The following ARHGEF7 variants were observed in gnomAD, a reference collection of about 807,000 sequenced individuals.
The protein encoded by ARHGEF7 is Rho guanine nucleotide exchange factor 7, also known as PAK-interacting exchange factor beta.
Under a neutral mutation model 109.8 loss-of-function variants are expected in ARHGEF7, and 33 were observed. That is an observed-to-expected ratio of 0.30 (90% CI 0.23 to 0.40). The LOEUF (loss-of-function observed/expected upper bound fraction) is 0.40, where lower values mean the gene tolerates loss of function less well. ARHGEF7 is among the 10% of genes least tolerant of loss of function. The probability of loss-of-function intolerance (pLI) is 1.00; values close to 1 mark genes in which losing one functional copy is unlikely to be tolerated. For missense variants in ARHGEF7, 938 were observed against 1,098.5 expected (o/e 0.85, Z 2.07); for synonymous variants, 458 against 424.6 (o/e 1.08, Z -0.97).
chr13:111,166,889 G>A (rs554641063), intron 2 of ARHGEF7, among the ~76,000 whole-genome samples: 17 of 152,318 alleles, frequency 1.1e-4, no homozygotes, highest in African/African-American at 3.4e-4. Context: ...GTATCATGTG[G>A]AAGAGTGTCT....
At chr13:111,169,775 C>T (rs1022614211) in intron 2 of ARHGEF7, among the ~76,000 whole-genome samples, 1 of 152,186 alleles carries the variant, frequency 6.6e-6, no homozygotes, top group Non-Finnish European at 1.5e-5. Context: ...ATGATCACCT[C>T]TGTTTGCTAG....
At chr13:111,153,502 C>A in intron 1 of ARHGEF7, 2 of 487,702 alleles carry the variant, frequency 4.1e-6, no homozygotes, top group Non-Finnish European at 5.5e-6. Context: ...GGTGGGCTCC[C>A]TCTACCGGAC....
chr13:111,282,162 T>C (rs2153609878), intron 15 of ARHGEF7, among the ~76,000 whole-genome samples: 1 of 144,774 alleles, frequency 6.9e-6, no homozygotes, highest in South Asian at 2.3e-4. Context: ...AGGAAGTTGA[T>C]GGCTTCTATT....
intron 6 of ARHGEF7, among the ~76,000 whole-genome samples, chr13:111,240,165 C>T (rs2087516859): frequency 6.6e-6 from 1 of 152,200 alleles, no homozygotes; most frequent in African/African-American, 2.4e-5. Flanking sequence ...GCCGGCTCTA[C>T]CTGTCGCCAT....
intron 2 of ARHGEF7, among the ~76,000 whole-genome samples, chr13:111,178,354 A>T (rs1222496109): frequency 6.6e-6 from 1 of 152,236 alleles, no homozygotes; most frequent in Non-Finnish European, 1.5e-5. Context: ...ATGTGTTTTT[A>T]AAAATAGCAT....
chr13:111,122,046 G>C (rs190654639), intron 1 of ARHGEF7, among the ~76,000 whole-genome samples: 1 of 152,196 alleles, frequency 6.6e-6, no homozygotes, highest in South Asian at 2.1e-4. Flanking sequence ...CCAGGAACAC[G>C]GGTTAATTCT....
chr13:111,202,562 G>A (rs1168916628), intron 2 of ARHGEF7, among the ~76,000 whole-genome samples: 1 of 152,156 alleles, frequency 6.6e-6, no homozygotes, highest in Non-Finnish European at 1.5e-5. Flanking sequence ...TACTGCTAAA[G>A]CACCCAGCAA....
chr13:111,194,746 A>G (rs974565781), intron 2 of ARHGEF7, among the ~76,000 whole-genome samples: 1 of 152,200 alleles, frequency 6.6e-6, no homozygotes, highest in Non-Finnish European at 1.5e-5. Context: ...GCCTGACCAA[A>G]CAGGTGAGGG....
At chr13:111,297,498 A>G (rs1364369174) in intron 19 of ARHGEF7, among the ~76,000 whole-genome samples, 1 of 152,242 alleles carries the variant, frequency 6.6e-6, no homozygotes, top group Non-Finnish European at 1.5e-5. Flanking sequence ...TCCTCCAATC[A>G]TGCTACATAA....
At chr13:111,295,328 C>CTCTA (rs1483611213) in intron 19 of ARHGEF7, 1 of 424,662 alleles carries the variant, frequency 2.4e-6, no homozygotes, top group Non-Finnish European at 3.1e-6. Context: ...TCTGTCTGCC[C>CTCTA]TGATAGAAAA....
At chr13:111,219,873 A>G (rs1437754218) in intron 5 of ARHGEF7, among the ~76,000 whole-genome samples, 3 of 152,158 alleles carry the variant, frequency 2.0e-5, no homozygotes, top group Non-Finnish European at 4.4e-5. Flanking sequence ...TTGCTGGGAT[A>G]TTAAGAAGGG....
At chr13:111,130,801 G>C (rs1035457987) in intron 1 of ARHGEF7, among the ~76,000 whole-genome samples, 1 of 152,234 alleles carries the variant, frequency 6.6e-6, no homozygotes, top group African/African-American at 2.4e-5. Context: ...TTTGGGGAAG[G>C]CTGTCCTCAA....
At chr13:111,161,233 C>T (rs760645252) in intron 2 of ARHGEF7, among the ~76,000 whole-genome samples, 12 of 152,210 alleles carry the variant, frequency 7.9e-5, no homozygotes, top group Non-Finnish European at 1.0e-4. Context: ...TAGCTTGGCA[C>T]ACTCACAGCT....
At chr13:111,221,547 ATATC>A (rs1566876676) in intron 5 of ARHGEF7, among the ~76,000 whole-genome samples, 9 of 81,706 alleles carry the variant, frequency 1.1e-4, no homozygotes, top group East Asian at 6.6e-4. Context: ...ATATAGATAC[ATATC>A]TATATATCTA....
rs189373951 is a variant in ARHGEF7 at position 111,226,839 on chromosome 13, C to T, written c.671-6366C>T. Among the ~76,000 whole-genome samples the T allele has an allele frequency of 1.2e-3, 176 of 152,268 alleles. 1 individual carries two copies. Among genetic ancestry groups the T allele is most frequent in the African/African-American group, 4.0e-3 (168 of 41,546 alleles). On this transcript the variant is annotated intron_variant, in intron 5 of 21. Transcript: ENST00000646102. ...GATCTAGGCAAAGTAATTTGAAAAC[C>T]TTCTGGAAAGGATTTACCCCTTTAG...
intron 5 of ARHGEF7, among the ~76,000 whole-genome samples, chr13:111,219,591 G>C (rs1050130360): frequency 1.3e-5 from 2 of 151,984 alleles, no homozygotes; most frequent in Non-Finnish European, 2.9e-5. Context: ...GGACCATGTC[G>C]CATTCCCACA....
intron 19 of ARHGEF7, among the ~76,000 whole-genome samples, chr13:111,297,815 C>T (rs998421950): frequency 2.0e-5 from 3 of 152,236 alleles, no homozygotes; most frequent in East Asian, 1.9e-4. Flanking sequence ...TTATGTCATT[C>T]GAAAATGTTA....
intron 19 of ARHGEF7, chr13:111,295,226 G>A: frequency 4.1e-6 from 4 of 984,164 alleles, no homozygotes; most frequent in Non-Finnish European, 3.6e-6. Context: ...ACATGGGGGA[G>A]GGGAATAGCA....
chr13:111,157,525 C>CCA (rs1356764511), intron 2 of ARHGEF7, among the ~76,000 whole-genome samples: 8 of 151,712 alleles, frequency 5.3e-5, no homozygotes, highest in Non-Finnish European at 1.2e-4. Context: ...ACTAATCACG[C>CCA]CACTGCCCTC....
Sources: gnomAD v4.1 joint callset for allele counts (sites outside exome capture counted in the v4.1 genomes callset) on GRCh38, gnomAD v4.1.1 for gene constraint, MANE v1.5 for transcripts, NCBI Gene and HGNC (gene_info 2026-07-23, HGNC 2026-07-21) for gene names.